Variants in ARHGEF6 observed in about 807,000 individuals in gnomAD.
ARHGEF6 encodes rho guanine nucleotide exchange factor 6.
A neutral mutation model predicts 70.3 loss-of-function variants in ARHGEF6; 9 were observed. The observed-to-expected ratio is 0.13, with a 90% CI of 0.08 to 0.22. The LOEUF is 0.22. ARHGEF6 is among the 10% of genes least tolerant of loss of function. The probability of loss-of-function intolerance (pLI) is 1.00; values close to 1 mark genes in which losing one functional copy is unlikely to be tolerated. For synonymous variants in ARHGEF6, 201 were observed against 207.8 expected (o/e 0.97, Z 0.28); for missense variants, 470 against 563.0 (o/e 0.83, Z 1.67).
At chrX:136,724,252 G>A (rs2076831129) in intron 6 of ARHGEF6, among the ~76,000 whole-genome samples, 1 of 107,653 alleles carries the variant, frequency 9.3e-6, no homozygotes, top group African/African-American at 3.4e-5. Context: ...GCTAATTTTT[G>A]TATTTTTAGT....
chrX:136,745,347 T>A lies in ARHGEF6; in HGVS notation c.335A>T (p.Asp112Val), dbSNP rs778448157. ...TCCACATGGTCTTTCTGATAGCTGATCTGTGAAAAGAGGAAAAGGCATGTT... is the reference window on the plus strand; with the variant it reads ...TCCACATGGTCTTTCTGATAGCTGAACTGTGAAAAGAGGAAAAGGCATGTT... Reference protein sequence around the residue: ...TLLAVNKATEDQLSERPCGRS... With the variant: ...TLLAVNKATEVQLSERPCGRS... Residue 112 changes from aspartate (D) to valine (V), a missense_variant and splice_region_variant, in exon 4 of 22, where the codon GAT becomes GTT. Around this residue, in one of 3 missense-constraint regions of ARHGEF6, gnomAD observed 379 missense variants for 449.3 expected, o/e 0.84. Transcript: ENST00000250617. The A allele has an allele frequency of 8.3e-7, 1 of 1,209,714 alleles. No homozygotes were observed. Among genetic ancestry groups the A allele is most frequent in the Admixed American group, 2.2e-5 (1 of 45,779 alleles).
chrX:136,729,053 T>TCC (rs1264502812), intron 6 of ARHGEF6, among the ~76,000 whole-genome samples: 4 of 24,787 alleles, frequency 1.6e-4, no homozygotes, highest in Non-Finnish European at 2.6e-4. Flanking sequence ...TCTCTCTCTC[T>TCC]CCTCCCCCAC....
chrX:136,727,419 TTC>T (rs1256271684), intron 6 of ARHGEF6, among the ~76,000 whole-genome samples: 8 of 95,488 alleles, frequency 8.4e-5, no homozygotes, highest in African/African-American at 2.3e-4. Context: ...CTCTCTTTCT[TTC>T]TTTCTTTCCT....
intron 5 of ARHGEF6, among the ~76,000 whole-genome samples, chrX:136,741,977 G>A (rs1004422212): frequency 3.6e-5 from 4 of 111,360 alleles, no homozygotes; most frequent in Admixed American, 9.6e-5. Context: ...AGTTATATAC[G>A]GATTTTCAAC....
chrX:136,696,333 C>T (rs1484844468), intron 9 of ARHGEF6, among the ~76,000 whole-genome samples: 1 of 111,785 alleles, frequency 8.9e-6, no homozygotes, highest in East Asian at 2.8e-4. Context: ...ACCATTTAGG[C>T]CAGGCGCAGT....
intron 6 of ARHGEF6, among the ~76,000 whole-genome samples, chrX:136,731,799 C>T (rs1028648902): frequency 7.1e-5 from 8 of 112,275 alleles, no homozygotes; most frequent in African/African-American, 2.3e-4. Context: ...AAGGGTATGT[C>T]TAACTGCTGA....
chrX:136,764,372 T>C (rs1603355077), intron 2 of ARHGEF6, among the ~76,000 whole-genome samples: 3 of 111,951 alleles, frequency 2.7e-5, no homozygotes, highest in African/African-American at 9.8e-5. Context: ...CTGGAAACAA[T>C]GTAGATGTCC....
chrX:136,698,050 C>T (rs5975773), intron 9 of ARHGEF6, among the ~76,000 whole-genome samples: 37,382 of 110,641 alleles, frequency 0.34, 5,578 homozygotes, highest in African/African-American at 0.59. Flanking sequence ...CATAAAGATG[C>T]TGAAATTGTA....
At chrX:136,715,389 G>GA (rs755300846) in intron 6 of ARHGEF6, among the ~76,000 whole-genome samples, 10 of 109,553 alleles carry the variant, frequency 9.1e-5, no homozygotes, top group African/African-American at 2.6e-4. Context: ...TTTTAAAAAA[G>GA]AAAAAAAAGA....
chrX:136,710,330 C>T (rs771497004), intron 7 of ARHGEF6, among the ~76,000 whole-genome samples: 3 of 87,556 alleles, frequency 3.4e-5, no homozygotes, highest in African/African-American at 8.2e-5. Flanking sequence ...ATATATTATA[C>T]ATATATATAT....
chrX:136,673,280 G>A (rs898677212), intron 19 of ARHGEF6, among the ~76,000 whole-genome samples: 1 of 111,623 alleles, frequency 9.0e-6, no homozygotes, highest in Admixed American at 9.5e-5. Context: ...ATCCCCTGCA[G>A]ATACCAAGGG....
At chrX:136,707,104 C>A in intron 8 of ARHGEF6, 74 bp from the exon 9 acceptor site, 2 of 1,124,301 alleles carry the variant, frequency 1.8e-6, no homozygotes, top group South Asian at 3.7e-5. Context: ...TCCAATTAAA[C>A]CTGGCAGCAT....
chrX:136,767,372 G>C, intron 2 of ARHGEF6: 1 of 755,339 alleles, frequency 1.3e-6, no homozygotes, highest in Non-Finnish European at 1.6e-6. Context: ...CGCCCCAGCG[G>C]GGAGGGGCGG....
At chrX:136,736,723 T>C (rs1265212567) in intron 5 of ARHGEF6, among the ~76,000 whole-genome samples, 1 of 110,739 alleles carries the variant, frequency 9.0e-6, no homozygotes, top group Non-Finnish European at 1.9e-5. Flanking sequence ...ATACGACCTC[T>C]GAAATCGGCC....
intron 20 of ARHGEF6, among the ~76,000 whole-genome samples, chrX:136,670,069 A>G (rs181640769): frequency 1.8e-5 from 2 of 111,657 alleles, no homozygotes; most frequent in East Asian, 5.6e-4. Flanking sequence ...TCCATGGGGT[A>G]TTGGTTCAAG....
intron 3 of ARHGEF6, among the ~76,000 whole-genome samples, chrX:136,746,004 A>G (rs2077091915): frequency 1.8e-5 from 2 of 112,033 alleles, no homozygotes; most frequent in South Asian, 7.4e-4. Flanking sequence ...AAAAGAGAGG[A>G]GCTGGCTTCT....
rs760852295 is a variant in ARHGEF6, at chrX:136,743,756, T to C, written c.490A>G (p.Ile164Val). ...TTAAAGTTGAATCTTGCTTTTACTATCAACTGATGACTTCCATTTTCCGTC... is the reference window on the plus strand; with the variant it reads ...TTAAAGTTGAATCTTGCTTTTACTACCAACTGATGACTTCCATTTTCCGTC... ...EMTENGSHQL[I>V]VKARFNFKQT... is the part of the protein sequence containing the mutation. The change falls in exon 5 of 22, where the codon ATA becomes GTA. Residue 164 changes from isoleucine (I) to valine (V), a missense_variant. Physicochemically the swap from Ile to Val is conservative, Grantham distance 29 (BLOSUM62 3). Coordinates refer to ENST00000250617, the MANE Select transcript of ARHGEF6 (RefSeq NM_004840.3). 6 of 1,211,669 alleles carry C rather than the reference T, an allele frequency of 5.0e-6. No individual in the cohort carries two copies. In the South Asian group the frequency reaches 1.1e-4, roughly 21 times the overall value.
At chrX:136,690,314 AAACTC>A (rs887284767) in intron 10 of ARHGEF6, among the ~76,000 whole-genome samples, 1 of 111,937 alleles carries the variant, frequency 8.9e-6, no homozygotes, top group African/African-American at 3.3e-5. Flanking sequence ...GGGCAAAAGA[AAACTC>A]AAGTTAGCAA....
At chrX:136,672,379 C>G (rs1363489542) in intron 19 of ARHGEF6, among the ~76,000 whole-genome samples, 1 of 111,125 alleles carries the variant, frequency 9.0e-6, no homozygotes, top group Non-Finnish European at 1.9e-5. Context: ...TGCAAAAGAG[C>G]CCCTGTAATA....
Sources: allele counts gnomAD v4.1 joint callset (sites outside exome capture counted in the v4.1 genomes callset), GRCh38; gene constraint gnomAD v4.1.1; regional missense constraint gnomAD v4.1.1; transcripts MANE v1.5; gene names NCBI Gene and HGNC (gene_info 2026-07-23, HGNC 2026-07-21).